The following ADGRG4 variants were observed in gnomAD, a reference collection of about 807,000 sequenced individuals.
ADGRG4 encodes the protein G protein-coupled receptor 112.
A neutral mutation model predicts 126.2 loss-of-function variants in ADGRG4; 122 were observed. That is an observed-to-expected ratio of 0.97 (90% confidence interval 0.83 to 1.12). The LOEUF (loss-of-function observed/expected upper bound fraction) is 1.12. Ranked by LOEUF, ADGRG4 falls within the 50% of genes most tolerant of loss-of-function variation. ADGRG4 has a pLI of 0.00. For synonymous variants in ADGRG4, 943 were observed against 838.7 expected (o/e 1.12, Z -2.15); for missense variants, 2,481 against 2,251.8 (o/e 1.10, Z -2.06).
chrX:136,341,291 G>A (rs985727538), intron 5 of ADGRG4, among the ~76,000 whole-genome samples: 41 of 112,297 alleles, frequency 3.7e-4, no homozygotes, highest in African/African-American at 1.2e-3. Flanking sequence ...AGACTTTTAT[G>A]GTATTTAGTG....
In ADGRG4 at chrX:136,348,957, CT is replaced by C. The variant is rs951705623; in HGVS notation, c.5254del (p.Ser1752HisfsTer20). The C allele has an allele frequency of 4.1e-6, 5 of 1,206,096 alleles. No individual in the cohort carries two copies. Among genetic ancestry groups the C allele is most frequent in the Non-Finnish European group, 5.6e-6 (5 of 892,701 alleles). ...YSRITVPENM[L>X]SPTHADSLHT... ...CAGAATCACTGTTCCTGAAAATATG[CT>C]TTCACCTACTCATGCAGATAGTCTC... On this transcript the variant is annotated frameshift_variant, in exon 6 of 26. Coordinates refer to ENST00000394143, the MANE Select transcript of ADGRG4 (RefSeq NM_153834.4). LOFTEE classifies it high-confidence loss of function.
chrX:136,337,196 T>G (rs2074953184), intron 5 of ADGRG4, among the ~76,000 whole-genome samples: 1 of 111,782 alleles, frequency 8.9e-6, no homozygotes, highest in Admixed American at 9.5e-5. Flanking sequence ...CTTGAACTCC[T>G]GGCTTCAAGC....
chrX:136,354,602 A>G (rs1256293684), intron 8 of ADGRG4, among the ~76,000 whole-genome samples: 1 of 110,844 alleles, frequency 9.0e-6, no homozygotes, highest in African/African-American at 3.3e-5. Flanking sequence ...TATCCTCTCA[A>G]AAATAGCTTC....
At chrX:136,352,478 C>A (rs1419723106) in intron 7 of ADGRG4, among the ~76,000 whole-genome samples, 1 of 106,788 alleles carries the variant, frequency 9.4e-6, no homozygotes, top group Non-Finnish European at 1.9e-5. Context: ...CTAGCCTGGG[C>A]AACATGGCGA....
At chrX:136,310,859 G>T (rs1246715418) in intron 4 of ADGRG4, among the ~76,000 whole-genome samples, 1 of 109,993 alleles carries the variant, frequency 9.1e-6, no homozygotes, top group Non-Finnish European at 1.9e-5. Context: ...AGAGAAGAGG[G>T]CCTAGGACTT....
chrX:136,371,390 AAAG>A lies in ADGRG4; in HGVS notation c.7464_7466del (p.Glu2489del). The stretch of plus-strand genomic sequence containing the variant: ...GATAAATGAATCCCCAGCCCTGGGT[AAAG>A]AAGAGACAAAGATTATTGTTTCTAA... On this transcript the variant is annotated inframe_deletion, in exon 14 of 26. Coordinates refer to ENST00000394143, the MANE Select transcript of ADGRG4 (RefSeq NM_153834.4). 1 of 1,198,860 alleles carries A rather than the reference AAAG, an allele frequency of 8.3e-7. No individual in the cohort carries two copies. The highest frequency in any genetic ancestry group is 1.8e-5 in the South Asian group (1 of 55,757).
At position 136,346,302 on chromosome X, in the gene ADGRG4, A is replaced by T; in HGVS notation, c.2596A>T (p.Thr866Ser). 1 of 1,211,180 alleles carries T rather than the reference A, an allele frequency of 8.3e-7. No individual in the cohort carries two copies. The highest frequency in any genetic ancestry group is 1.1e-6 in the Non-Finnish European group (1 of 895,003). Residue 866 changes from threonine (T) to serine (S), a missense_variant, in exon 6 of 26, where the codon ACA becomes TCA. Transcript: ENST00000394143. ...AGTGGCTGAGGTTTCTCCATTTTCA[A>T]CAATGCTGGAAGTGACAGACGAATC... ...AAVAEVSPFS[T>S]MLEVTDESAQ...
At chrX:136,311,363 G>A (rs1262698054) in intron 4 of ADGRG4, among the ~76,000 whole-genome samples, 1 of 106,564 alleles carries the variant, frequency 9.4e-6, no homozygotes, top group Non-Finnish European at 1.9e-5. Flanking sequence ...TAGGGCTATA[G>A]TAGTTGTCCT....
intron 23 of ADGRG4, among the ~76,000 whole-genome samples, chrX:136,408,886 C>A (rs1478223115): frequency 9.0e-6 from 1 of 111,196 alleles, no homozygotes. Context: ...AAATCAAAGT[C>A]CCATAGATCC....
chrX:136,389,096 A>G (rs1375778002), intron 16 of ADGRG4, among the ~76,000 whole-genome samples: 1 of 111,310 alleles, frequency 9.0e-6, no homozygotes, highest in Non-Finnish European at 1.9e-5. Context: ...TGTCTGTAAG[A>G]CTTTCTGTTC....
intron 21 of ADGRG4, among the ~76,000 whole-genome samples, chrX:136,402,375 C>G (rs929869657): frequency 9.0e-6 from 1 of 111,181 alleles, no homozygotes; most frequent in Non-Finnish European, 1.9e-5. Context: ...TCTCTCCCTT[C>G]CAGCCTTCTA....
At chrX:136,332,067 C>T (rs1168554086) in intron 5 of ADGRG4, among the ~76,000 whole-genome samples, 2 of 109,012 alleles carry the variant, frequency 1.8e-5, no homozygotes, top group Non-Finnish European at 3.8e-5. Flanking sequence ...AGGTTAGTTA[C>T]ATATGTATAC....
At position 136,351,395 on chromosome X, in the gene ADGRG4, C is replaced by T. The variant is rs1017057768; in HGVS notation, c.6728-52C>T. On this transcript the variant is annotated intron_variant, in intron 6 of 25. Transcript: ENST00000394143. Reference sequence around the variant, plus strand: ...CACTTTTCACCAAATTTACAGAAGTCAAATTTCTTGAACTAAATGAATAAA... The same window carrying T: ...CACTTTTCACCAAATTTACAGAAGTTAAATTTCTTGAACTAAATGAATAAA... 8.1e-6 allele frequency: 6 copies of T among 741,832 alleles called. No homozygotes were observed. In the African/African-American group the frequency reaches 1.1e-4, roughly 14 times the overall value. 61.1% of individuals were successfully genotyped at this position (741,832 alleles called of 1,213,427 possible).
intron 5 of ADGRG4, among the ~76,000 whole-genome samples, chrX:136,328,175 T>TG (rs1285973318): frequency 2.7e-5 from 3 of 111,389 alleles, no homozygotes; most frequent in Non-Finnish European, 5.7e-5. Flanking sequence ...CTGATTCTTT[T>TG]GGGGGGAGGC....
Position 136,344,964 on chromosome X carries a change from C to T in ADGRG4, c.1258C>T (p.Gln420Ter), listed in dbSNP as rs750941890. The T allele has an allele frequency of 8.3e-7, 1 of 1,210,384 alleles. No homozygotes were observed. The highest frequency in any genetic ancestry group is 3.0e-5 in the East Asian group (1 of 33,825). Residue 420 changes from glutamine to a stop codon, truncating the protein, a stop_gained, in exon 6 of 26, where the codon CAA becomes TAA. Coordinates refer to ENST00000394143, the MANE Select transcript of ADGRG4 (RefSeq NM_153834.4). LOFTEE classifies it high-confidence loss of function. ...TATGTCTACAACACCTTGTCTCAAACAAAAATCCACAAATACTGGGGCACT... is the reference window on the plus strand; with the variant it reads ...TATGTCTACAACACCTTGTCTCAAATAAAAATCCACAAATACTGGGGCACT... ...TSMSTTPCLKQKSTNTGALPI... is the reference protein window; with the variant it reads ...TSMSTTPCLK
At position 136,323,183 on chromosome X, in the gene ADGRG4, T is replaced by C. The variant is rs1353023303; in HGVS notation, c.476T>C (p.Phe159Ser). The change falls in exon 5 of 26, where the codon TTC (phenylalanine) becomes TCC (serine). Residue 159 changes from phenylalanine (F) to serine (S), a missense_variant. Coordinates refer to ENST00000394143, the MANE Select transcript of ADGRG4 (RefSeq NM_153834.4). ...PHNLTPHGTL[F>S]LGHFLKNESS... ...AACCTGACACCTCATGGGACTCTGT[T>C]CCTAGGGCACTTTCTCAAGAATGAG... 8.3e-6 allele frequency: 10 copies of C among 1,211,619 alleles called. No homozygotes were observed. Among genetic ancestry groups the C allele is most frequent in the Non-Finnish European group, 1.1e-5 (10 of 895,321 alleles).
chrX:136,399,537 G>T (rs926396996), intron 20 of ADGRG4, among the ~76,000 whole-genome samples: 9 of 110,102 alleles, frequency 8.2e-5, no homozygotes, highest in African/African-American at 3.0e-4. Flanking sequence ...TGTAGCTCCA[G>T]CCTGCTGAAG....
At chrX:136,331,291 G>A (rs1200706867) in intron 5 of ADGRG4, among the ~76,000 whole-genome samples, 1 of 112,275 alleles carries the variant, frequency 8.9e-6, no homozygotes, top group Non-Finnish European at 1.9e-5. Context: ...ATTGTGAACA[G>A]TGCTGCAATA....
intron 19 of ADGRG4, among the ~76,000 whole-genome samples, chrX:136,396,616 G>A (rs1255262394): frequency 2.9e-5 from 3 of 103,527 alleles, no homozygotes; most frequent in Non-Finnish European, 2.0e-5. Context: ...AAAAAAGAGA[G>A]AGAGAGAGAG....
Sources: allele counts gnomAD v4.1 joint callset (sites outside exome capture counted in the v4.1 genomes callset), GRCh38; gene constraint gnomAD v4.1.1; transcripts MANE v1.5; gene names NCBI Gene and HGNC (gene_info 2026-07-23, HGNC 2026-07-21).